DDX31: variants seen among roughly 807,000 people sequenced by gnomAD.
DDX31 encodes the protein DEAD-box helicase 31.
DDX31 carries 70 observed loss-of-function variants against 91.3 expected under a neutral mutation model. The ratio of observed to expected loss-of-function variants is 0.77; its 90% confidence interval spans 0.63 to 0.94. DDX31 has a LOEUF of 0.94. DDX31 is among the 40% of genes least tolerant of loss of function. The pLI is 0.00. For synonymous variants in DDX31, 362 were observed against 350.6 expected (o/e 1.03, Z -0.36); for missense variants, 902 against 925.0 (o/e 0.98, Z 0.32).
At chr9:132,647,461 A>T (rs1021481861) in intron 11 of DDX31, among the ~76,000 whole-genome samples, 12 of 152,290 alleles carry the variant, frequency 7.9e-5, no homozygotes, top group African/African-American at 2.6e-4. Flanking sequence ...TATCCAAGGG[A>T]GGGATGTGGG....
intron 5 of DDX31, among the ~76,000 whole-genome samples, chr9:132,659,378 CTG>C (rs1464786228): frequency 6.6e-6 from 1 of 152,222 alleles, no homozygotes; most frequent in African/African-American, 2.4e-5. Context: ...AGAAATCACT[CTG>C]TGTTTAACAC....
At chr9:132,605,660 C>T (rs766263488) in intron 19 of DDX31, among the ~76,000 whole-genome samples, 99 of 152,270 alleles carry the variant, frequency 6.5e-4, no homozygotes, top group Middle Eastern at 3.4e-3. Context: ...AGGGCAGAGA[C>T]GTGAGGGTGT....
At chr9:132,603,473 G>C (rs1038464503) in intron 19 of DDX31, among the ~76,000 whole-genome samples, 3 of 152,208 alleles carry the variant, frequency 2.0e-5, no homozygotes, top group African/African-American at 7.2e-5. Context: ...GAAGAGGAGA[G>C]GAGGTAGTCG....
chr9:132,632,092 C>G lies in DDX31; in HGVS notation c.1441-1G>C. On this transcript the variant is annotated splice_acceptor_variant, in intron 14 of 19. Coordinates refer to ENST00000372159, the MANE Select transcript of DDX31 (RefSeq NM_022779.9). LOFTEE classifies it high-confidence loss of function. ...GATCTAAGCCCCGAGCTGCAACATC[C>G]TTTAACAAAGAAAAGAATATGGTTT... The G allele has an allele frequency of 6.2e-7, 1 of 1,612,694 alleles. No homozygotes were observed. The highest frequency in any genetic ancestry group is 8.5e-7 in the Non-Finnish European group (1 of 1,179,158).
chr9:132,618,699 A>T (rs745860718), intron 17 of DDX31, among the ~76,000 whole-genome samples: 6 of 152,216 alleles, frequency 3.9e-5, no homozygotes, highest in Admixed American at 6.5e-5. Flanking sequence ...CTTACCATGC[A>T]TGTTCAAAAT....
At position 132,661,234 on chromosome 9, in the gene DDX31, C is replaced by G; in HGVS notation, c.426G>C (p.Thr142=). 6.2e-7 allele frequency: 1 copy of G among 1,607,242 alleles called. No individual in the cohort carries two copies. The highest frequency in any genetic ancestry group is 8.5e-7 in the Non-Finnish European group (1 of 1,176,202). Residue 142 remains threonine (T), a synonymous_variant, in exon 4 of 20, where the codon ACG becomes ACC. Coordinates refer to ENST00000372159, the MANE Select transcript of DDX31 (RefSeq NM_022779.9). ...TGGTCATACTAGACATTTTTAAGACCGTATTTATTGTGGAAATCTAAAAGA... is the reference window on the plus strand; with the variant it reads ...TGGTCATACTAGACATTTTTAAGACGGTATTTATTGTGGAAATCTAAAAGA... ...LHPHLISTIN[T]VLKMSSMTSV...
rs368922925 is a variant in DDX31, at chr9:132,622,357, G to C, written c.1713+3307C>G. Among the ~76,000 whole-genome samples the C allele has an allele frequency of 5.4e-5, 8 of 148,336 alleles. No individual in the cohort carries two copies. In the South Asian group the frequency reaches 1.9e-3, roughly 34 times the overall value. ...TCCTTGAGGCTGGCCTCAAGCCAGG[G>C]AAAGTCTTAAGGAGAAGAATTTATG... is the stretch of plus-strand genomic sequence containing the variant. On this transcript the variant is annotated intron_variant, in intron 17 of 19. Coordinates refer to ENST00000372159, the MANE Select transcript of DDX31 (RefSeq NM_022779.9).
chr9:132,646,778 G>C (rs1221718254), intron 12 of DDX31, 45 bp downstream of exon 12: 1 of 1,576,592 alleles, frequency 6.3e-7, no homozygotes, highest in African/African-American at 1.3e-5. Flanking sequence ...CAAGAAAGCA[G>C]GCCTTTCTTC....
At chr9:132,654,763 T>A (rs1478100939) in intron 6 of DDX31, among the ~76,000 whole-genome samples, 1 of 151,908 alleles carries the variant, frequency 6.6e-6, no homozygotes, top group Non-Finnish European at 1.5e-5. Flanking sequence ...TTGGCCAACA[T>A]GGTGAAACCC....
At chr9:132,625,545 G>T in intron 17 of DDX31, 119 bp downstream of exon 17, 1 of 776,082 alleles carries the variant, frequency 1.3e-6, no homozygotes, top group Non-Finnish European at 2.2e-6. Context: ...TAATGTTCAT[G>T]GTTCTTAAAA....
At chr9:132,633,936 T>C (rs1832943274) in intron 14 of DDX31, among the ~76,000 whole-genome samples, 2 of 152,138 alleles carry the variant, frequency 1.3e-5, no homozygotes, top group South Asian at 2.1e-4. Context: ...TTACAGGAAG[T>C]ATGGGAAAGA....
chr9:132,597,961 TCAC>T (rs1830529115), intron 19 of DDX31, among the ~76,000 whole-genome samples: 1 of 152,306 alleles, frequency 6.6e-6, no homozygotes, highest in Non-Finnish European at 1.5e-5. Flanking sequence ...TCAGTTATCA[TCAC>T]CACCTTTCCT....
intron 6 of DDX31, among the ~76,000 whole-genome samples, chr9:132,655,896 G>A (rs887914711): frequency 2.0e-5 from 3 of 152,200 alleles, no homozygotes; most frequent in African/African-American, 7.2e-5. Flanking sequence ...TCAAACCAGA[G>A]TTGTCTGTAC....
At chr9:132,651,262 C>A in intron 7 of DDX31, 146 bp from the exon 8 acceptor site, 1 of 665,232 alleles carries the variant, frequency 1.5e-6, no homozygotes, top group East Asian at 2.8e-5. Context: ...ATCTAATATA[C>A]CTTGTTCTTA....
chr9:132,620,095 TCC>T (rs773977635), intron 17 of DDX31, among the ~76,000 whole-genome samples: 9 of 151,964 alleles, frequency 5.9e-5, no homozygotes, highest in Non-Finnish European at 1.2e-4. Flanking sequence ...AGCACAAAAA[TCC>T]CTCTAGAGTG....
intron 12 of DDX31, among the ~76,000 whole-genome samples, chr9:132,646,386 G>A (rs1833841410): frequency 6.6e-6 from 1 of 152,112 alleles, no homozygotes; most frequent in Non-Finnish European, 1.5e-5. Flanking sequence ...AACACTACCT[G>A]GCTGAGACCC....
In DDX31 at chr9:132,612,437, C is replaced by A. The variant is rs1187180850; in HGVS notation, c.1826-182G>T. ...TCTGTGTATTTCTTCAATTCCTAAA[C>A]AACAAAAAGAAAAAAACTACAGGGG... On this transcript the variant is annotated intron_variant, in intron 18 of 19. Transcript: ENST00000372159. 6.8e-5 allele frequency: 42 copies of A among 614,100 alleles called. No individual in the cohort carries two copies. The East Asian group carries it at 7.3e-4, about 11-fold the overall frequency. 38.0% of individuals were successfully genotyped at this position (614,100 alleles called of 1,614,324 possible).
chr9:132,641,816 G>A (rs375855658), intron 14 of DDX31, among the ~76,000 whole-genome samples, 188 bp downstream of exon 14: 11 of 152,270 alleles, frequency 7.2e-5, no homozygotes, highest in African/African-American at 2.6e-4. Flanking sequence ...CTGCACGGTG[G>A]TGGCTGGCTA....
chr9:132,596,073 G>A (rs1276186327), intron 19 of DDX31, among the ~76,000 whole-genome samples: 1 of 152,084 alleles, frequency 6.6e-6, no homozygotes, highest in Non-Finnish European at 1.5e-5. Context: ...TACCAAAACG[G>A]CAATGTCTTA....
Sources: allele counts gnomAD v4.1 joint callset (sites outside exome capture counted in the v4.1 genomes callset), GRCh38; gene constraint gnomAD v4.1.1; transcripts MANE v1.5; gene names NCBI Gene and HGNC (gene_info 2026-07-23, HGNC 2026-07-21).